Variants in RCAN2 observed in about 807,000 individuals in gnomAD.
RCAN2 encodes the protein regulator of calcineurin 2.
A neutral mutation model predicts 23.6 loss-of-function variants in RCAN2; 9 were observed. The observed-to-expected ratio is 0.38, with a 90% CI of 0.23 to 0.67. The LOEUF is 0.67. RCAN2 is among the 30% of genes least tolerant of loss of function. The probability of loss-of-function intolerance (pLI) is 0.51; values close to 1 mark genes in which losing one functional copy is unlikely to be tolerated. For missense variants in RCAN2, 273 were observed against 302.3 expected (o/e 0.90, Z 0.72); for synonymous variants, 109 against 115.7 (o/e 0.94, Z 0.37).
Position 46,412,307 on chromosome 6 carries a change from T to G in RCAN2, c.225+44445A>C, listed in dbSNP as rs553180596. ...TCTGGTGGGATATCTAGAGTCTGTT[T>G]TGTCCTTATTAAGTTTGAGAAGAAG... On this transcript the variant is annotated intron_variant, in intron 2 of 4. Transcript: ENST00000371374. Among the ~76,000 whole-genome samples, 3 of 152,294 alleles carry G rather than the reference T, an allele frequency of 2.0e-5. No individual in the cohort carries two copies. The South Asian group carries it at 6.2e-4, about 32-fold the overall frequency.
At chr6:46,239,224 T>C (rs1290809988) in intron 4 of RCAN2, among the ~76,000 whole-genome samples, 4 of 152,206 alleles carry the variant, frequency 2.6e-5, no homozygotes, top group African/African-American at 4.8e-5. Flanking sequence ...ATAAAAATCA[T>C]AGCTATTTGG....
intron 2 of RCAN2, among the ~76,000 whole-genome samples, chr6:46,327,615 C>G (rs1351734897): frequency 6.6e-6 from 1 of 152,202 alleles, no homozygotes; most frequent in Non-Finnish European, 1.5e-5. Flanking sequence ...TTGAATATCA[C>G]TGGCATCTGT....
intron 2 of RCAN2, among the ~76,000 whole-genome samples, chr6:46,390,325 C>T (rs1007794834): frequency 6.6e-6 from 1 of 152,320 alleles, no homozygotes; most frequent in Non-Finnish European, 1.5e-5. Flanking sequence ...TAATAGTCTA[C>T]ACATCATGGA....
chr6:46,481,888 C>A (rs965500992), intron 1 of RCAN2, among the ~76,000 whole-genome samples: 2 of 152,054 alleles, frequency 1.3e-5, no homozygotes, highest in African/African-American at 2.4e-5. Flanking sequence ...CATAAACCAA[C>A]CCTAGGATAA....
chr6:46,223,968 T>C (rs1317672719), intron 4 of RCAN2, among the ~76,000 whole-genome samples: 3 of 152,256 alleles, frequency 2.0e-5, no homozygotes, highest in Non-Finnish European at 4.4e-5. Context: ...TCGTGGTCTA[T>C]TGCTGTTCAT....
intron 2 of RCAN2, among the ~76,000 whole-genome samples, chr6:46,358,149 C>T (rs1322506920): frequency 6.6e-6 from 1 of 152,214 alleles, no homozygotes; most frequent in African/African-American, 2.4e-5. Context: ...AAAAGCACTT[C>T]TGTGGTCCTA....
intron 2 of RCAN2, among the ~76,000 whole-genome samples, chr6:46,278,732 G>C (rs1280306270): frequency 1.3e-5 from 2 of 152,090 alleles, no homozygotes; most frequent in Non-Finnish European, 2.9e-5. Flanking sequence ...TACAGGCCAG[G>C]TATTTTGTAC....
intron 1 of RCAN2, among the ~76,000 whole-genome samples, chr6:46,483,174 T>G (rs1768910413): frequency 2.0e-5 from 3 of 152,218 alleles, no homozygotes; most frequent in African/African-American, 7.2e-5. Context: ...ATTCTAAGTT[T>G]CTTAATGTCC....
intron 2 of RCAN2, among the ~76,000 whole-genome samples, chr6:46,368,108 A>G (rs547832322): frequency 1.3e-5 from 2 of 152,344 alleles, no homozygotes; most frequent in Admixed American, 1.3e-4. Context: ...CAACTACTCA[A>G]CTTTGCCTTT....
intron 1 of RCAN2, among the ~76,000 whole-genome samples, chr6:46,487,628 A>T (rs1261779126): frequency 6.6e-6 from 1 of 152,216 alleles, no homozygotes; most frequent in Non-Finnish European, 1.5e-5. Context: ...GGAAACTCTC[A>T]TAGAGTTAAA....
intron 2 of RCAN2, among the ~76,000 whole-genome samples, chr6:46,406,602 GCT>G (rs1766413740): frequency 6.6e-6 from 1 of 152,194 alleles, no homozygotes; most frequent in African/African-American, 2.4e-5. Flanking sequence ...GTTTCTGTCA[GCT>G]CTCTTTTTTC....
chr6:46,340,285 G>A (rs1326753415), intron 2 of RCAN2, among the ~76,000 whole-genome samples: 1 of 152,002 alleles, frequency 6.6e-6, no homozygotes, highest in Admixed American at 6.6e-5. Context: ...GATTTATACT[G>A]GAATTTAGGG....
intron 2 of RCAN2, among the ~76,000 whole-genome samples, chr6:46,453,695 C>A (rs1465330985): frequency 6.6e-6 from 1 of 152,090 alleles, no homozygotes; most frequent in African/African-American, 2.4e-5. Flanking sequence ...GTATCTCAGA[C>A]ATGTAGGAAA....
rs563336581 is a variant in RCAN2 at position 46,413,464 on chromosome 6, A to T, written c.225+43288T>A. ...TGTTATGCAGTTAAGTCCTCCTGAT[A>T]CTTGTGGATTAGCTCACTTGGAAGA... On this transcript the variant is annotated intron_variant, in intron 2 of 4. Coordinates refer to ENST00000371374, the MANE Select transcript of RCAN2 (RefSeq NM_001251974.2). 5.3e-5 allele frequency among the ~76,000 whole-genome samples: 8 copies of T among 152,328 alleles called. No individual in the cohort carries two copies. In the East Asian group the frequency reaches 1.5e-3, roughly 29 times the overall value.
At chr6:46,346,342 G>A (rs922964829) in intron 2 of RCAN2, among the ~76,000 whole-genome samples, 11 of 151,970 alleles carry the variant, frequency 7.2e-5, no homozygotes, top group African/African-American at 2.2e-4. Flanking sequence ...AAGAAAGAAG[G>A]AGCACTTCCC....
At chr6:46,331,646 C>A (rs752025348) in intron 2 of RCAN2, among the ~76,000 whole-genome samples, 8 of 152,164 alleles carry the variant, frequency 5.3e-5, no homozygotes, top group Non-Finnish European at 1.0e-4. Flanking sequence ...AACCCCAGTT[C>A]CACTTGGTAA....
intron 4 of RCAN2, among the ~76,000 whole-genome samples, chr6:46,245,105 C>T (rs186070053): frequency 3.5e-4 from 53 of 152,276 alleles, no homozygotes; most frequent in South Asian, 1.9e-3. Flanking sequence ...GTGAACCAGA[C>T]GTTTAATGAA....
chr6:46,228,073 A>G (rs1448344043), intron 4 of RCAN2, among the ~76,000 whole-genome samples: 3 of 152,182 alleles, frequency 2.0e-5, no homozygotes, highest in Non-Finnish European at 4.4e-5. Context: ...GTTTCCATGA[A>G]GTTGAGTGGT....
intron 1 of RCAN2, among the ~76,000 whole-genome samples, chr6:46,486,529 T>C (rs553445819): frequency 6.4e-4 from 98 of 152,224 alleles, no homozygotes; most frequent in Non-Finnish European, 1.0e-3. Flanking sequence ...TCAGAGAAAT[T>C]ATAATATTTT....
Sources: allele counts gnomAD v4.1 joint callset (sites outside exome capture counted in the v4.1 genomes callset), GRCh38; gene constraint gnomAD v4.1.1; transcripts MANE v1.5; gene names NCBI Gene and HGNC (gene_info 2026-07-23, HGNC 2026-07-21).